Variants in RBFOX1 observed in about 807,000 individuals in gnomAD.
RBFOX1 encodes RNA binding protein fox-1 homolog 1.
RBFOX1 carries 8 observed loss-of-function variants against 57.7 expected under a neutral mutation model. The ratio of observed to expected loss-of-function variants is 0.14; its 90% CI spans 0.08 to 0.25. RBFOX1 has a LOEUF of 0.25. Among genes scored for constraint, RBFOX1 ranks in the 10% least tolerant of loss-of-function variants. The pLI is 1.00. For missense variants in RBFOX1, 611 were observed against 548.5 expected (o/e 1.11, Z -1.14); for synonymous variants, 326 against 222.4 (o/e 1.47, Z -4.15).
At chr16:5,991,402 C>T (rs909481189) in intron 4 of RBFOX1, among the ~76,000 whole-genome samples, 22 of 152,182 alleles carry the variant, frequency 1.4e-4, no homozygotes, top group African/African-American at 3.1e-4. Context: ...GCTGTGAGCA[C>T]GTAGAAGGAA....
intron 2 of RBFOX1, among the ~76,000 whole-genome samples, chr16:6,509,905 T>G (rs2096213824): frequency 6.6e-6 from 1 of 152,154 alleles, no homozygotes; most frequent in Non-Finnish European, 1.5e-5. Flanking sequence ...TAAAATAAAC[T>G]ATATCCCTGA....
intron 3 of RBFOX1, among the ~76,000 whole-genome samples, chr16:6,989,564 A>T (rs550336303): frequency 3.4e-4 from 52 of 152,320 alleles, no homozygotes; most frequent in Non-Finnish European, 5.7e-4. Flanking sequence ...GGATATAAAG[A>T]ATAGAAACAG....
At position 7,265,842 on chromosome 16, in the gene RBFOX1, A is replaced by G. The variant is rs1005976774; in HGVS notation, c.27+213744A>G. On this transcript the variant is annotated intron_variant, in intron 4 of 15. Transcript: ENST00000550418. ...GTCCCCACTCAAATCTCATGTTGAAATATAACTCCCAATGCTGGAGGTGGG... is the reference window on the plus strand; with the variant it reads ...GTCCCCACTCAAATCTCATGTTGAAGTATAACTCCCAATGCTGGAGGTGGG... Among the ~76,000 whole-genome samples the G allele has an allele frequency of 1.1e-4, 17 of 152,182 alleles. No homozygotes were observed. The East Asian group carries it at 1.7e-3, about 16-fold the overall frequency.
intron 5 of RBFOX1, among the ~76,000 whole-genome samples, chr16:7,546,251 C>T (rs560396736): frequency 3.9e-5 from 6 of 151,944 alleles, no homozygotes; most frequent in Non-Finnish European, 7.4e-5. Flanking sequence ...CGTTTGAACC[C>T]GGAGGGTGGA....
At chr16:6,703,605 G>T (rs562991560) in intron 3 of RBFOX1, among the ~76,000 whole-genome samples, 1 of 152,098 alleles carries the variant, frequency 6.6e-6, no homozygotes, top group South Asian at 2.1e-4. Flanking sequence ...GACTTGGGAG[G>T]CTGAGGTGGG....
chr16:6,632,028 G>A (rs1024951060), intron 2 of RBFOX1, among the ~76,000 whole-genome samples: 1 of 152,028 alleles, frequency 6.6e-6, no homozygotes, highest in African/African-American at 2.4e-5. Flanking sequence ...CACTCTATTT[G>A]GATAATGTTT....
chr16:5,822,645 C>G (rs2055896168), intron 3 of RBFOX1, among the ~76,000 whole-genome samples: 1 of 152,142 alleles, frequency 6.6e-6, no homozygotes, highest in South Asian at 2.1e-4. Flanking sequence ...CACAATGCTG[C>G]TACAAGAATT....
At chr16:7,408,814 C>T (rs1431472502) in intron 4 of RBFOX1, among the ~76,000 whole-genome samples, 1 of 152,126 alleles carries the variant, frequency 6.6e-6, no homozygotes, top group African/African-American at 2.4e-5. Flanking sequence ...CCGAAAATGT[C>T]TCCAGATACT....
chr16:6,779,548 A>C (rs2079983881), intron 3 of RBFOX1, among the ~76,000 whole-genome samples: 1 of 150,598 alleles, frequency 6.6e-6, no homozygotes, highest in East Asian at 2.0e-4. Flanking sequence ...TGAGACTGCT[A>C]AATTATGTTA....
intron 1 of RBFOX1, among the ~76,000 whole-genome samples, chr16:5,452,475 A>G (rs1269246456): frequency 6.6e-6 from 1 of 151,796 alleles, no homozygotes; most frequent in Non-Finnish European, 1.5e-5. Context: ...TCACTTCTTA[A>G]ACATTTCTTG....
intron 1 of RBFOX1, among the ~76,000 whole-genome samples, chr16:5,379,567 G>C (rs1168534984): frequency 1.3e-5 from 2 of 152,206 alleles, no homozygotes; most frequent in African/African-American, 2.4e-5. Context: ...CAGGGGACTA[G>C]AGCCCTTCAC....
At chr16:5,659,249 C>G (rs2049563986) in intron 3 of RBFOX1, among the ~76,000 whole-genome samples, 1 of 150,736 alleles carries the variant, frequency 6.6e-6, no homozygotes, top group Non-Finnish European at 1.5e-5. Context: ...TTGCATTTCC[C>G]TGATGATTAC....
rs796730307 is a variant in RBFOX1, at chr16:7,399,073, C to T, written c.28-119074C>T. Among the ~76,000 whole-genome samples the T allele has an allele frequency of 1.8e-4, 28 of 152,334 alleles. 1 individual carries two copies. Among genetic ancestry groups the T allele is most frequent in the African/African-American group, 6.3e-4 (26 of 41,572 alleles). ...TCTGCTCACTTTGTACCTCAAACCT[C>T]AGCATCACGTAATATACTCATGTAA... On this transcript the variant is annotated intron_variant, in intron 4 of 15. Transcript: ENST00000550418.
chr16:5,439,863 G>C (rs188857256), intron 1 of RBFOX1, among the ~76,000 whole-genome samples: 4 of 152,186 alleles, frequency 2.6e-5, no homozygotes, highest in Admixed American at 2.6e-4. Context: ...GTGAGTTAGG[G>C]TTAGGGCATG....
chr16:5,757,035 G>A (rs968966640), intron 3 of RBFOX1, among the ~76,000 whole-genome samples: 1 of 152,218 alleles, frequency 6.6e-6, no homozygotes, highest in East Asian at 1.9e-4. Flanking sequence ...GATGTTTCTG[G>A]TTGGCAAAGG....
At chr16:6,510,605 G>C (rs116592338) in intron 2 of RBFOX1, among the ~76,000 whole-genome samples, 84 of 152,258 alleles carry the variant, frequency 5.5e-4, no homozygotes, top group African/African-American at 1.9e-3. Context: ...GAAAGCCTGC[G>C]TATGCCTCCA....
intron 4 of RBFOX1, among the ~76,000 whole-genome samples, chr16:7,352,612 T>C (rs2097148261): frequency 6.6e-6 from 1 of 152,188 alleles, no homozygotes; most frequent in Non-Finnish European, 1.5e-5. Context: ...ACAAGCTCGC[T>C]ATATTTCCCA....
At chr16:6,983,658 G>A (rs541910022) in intron 3 of RBFOX1, 1 of 152,178 alleles carries the variant, frequency 6.6e-6, no homozygotes, top group South Asian at 2.1e-4. Context: ...TAAATCTCTT[G>A]GGAGAAGAGG....
At chr16:5,966,357 A>G (rs556382251) in intron 4 of RBFOX1, among the ~76,000 whole-genome samples, 17 of 152,332 alleles carry the variant, frequency 1.1e-4, no homozygotes, top group East Asian at 7.7e-4. Context: ...GGGAAGCCTC[A>G]TGGGGCTTTT....
Sources: gnomAD v4.1 joint callset for allele counts (sites outside exome capture counted in the v4.1 genomes callset) on GRCh38, gnomAD v4.1.1 for gene constraint, MANE v1.5 for transcripts, NCBI Gene and HGNC (gene_info 2026-07-23, HGNC 2026-07-21) for gene names.